VTI1A: variants seen among roughly 807,000 people sequenced by gnomAD.
The protein encoded by VTI1A is vesicle transport through interaction with t-SNAREs homolog 1A.
In VTI1A, 22 loss-of-function variants were observed where a neutral mutation model predicts 34.9. The ratio of observed to expected loss-of-function variants is 0.63; its 90% confidence interval spans 0.45 to 0.90. The LOEUF (loss-of-function observed/expected upper bound fraction) is 0.90. Among genes scored for constraint, VTI1A ranks in the 40% least tolerant of loss-of-function variants. The pLI is 0.00. For synonymous variants in VTI1A, 87 were observed against 97.3 expected (o/e 0.89, Z 0.62); for missense variants, 268 against 275.6 (o/e 0.97, Z 0.20).
At chr10:112,724,485 T>C (rs1849933460) in intron 7 of VTI1A, among the ~76,000 whole-genome samples, 1 of 152,068 alleles carries the variant, frequency 6.6e-6, no homozygotes, top group South Asian at 2.1e-4. Context: ...GGGTAGATCC[T>C]GGAAGGCTCT....
intron 7 of VTI1A, among the ~76,000 whole-genome samples, chr10:112,778,969 A>G (rs1352763015): frequency 6.6e-6 from 1 of 152,220 alleles, no homozygotes; most frequent in African/African-American, 2.4e-5. Context: ...TTCCTAAAAG[A>G]AGGAAAAAAA....
chr10:112,832,329 GC>G, the VTI1A span: 3 of 152,004 alleles, frequency 2.0e-5, no homozygotes, highest in Admixed American at 6.6e-5. Flanking sequence ...GTCTCATTCT[GC>G]CCAGGCCAGG....
chr10:112,476,110 A>G (rs1848266063), intron 3 of VTI1A, among the ~76,000 whole-genome samples: 1 of 152,244 alleles, frequency 6.6e-6, no homozygotes, highest in Admixed American at 6.5e-5. Context: ...TTTAAAAATT[A>G]ATGGAAAAAT....
intron 5 of VTI1A, among the ~76,000 whole-genome samples, chr10:112,546,248 G>A (rs188929783): frequency 1.3e-5 from 2 of 150,810 alleles, no homozygotes; most frequent in African/African-American, 4.9e-5. Flanking sequence ...CAAAAATTTG[G>A]CCAGGTAGCT....
chr10:112,753,977 TG>T lies in VTI1A; in HGVS notation c.561-61312del, dbSNP rs530446965. Among the ~76,000 whole-genome samples, 9 of 152,286 alleles carry T rather than the reference TG, an allele frequency of 5.9e-5. 1 individual carries two copies. In the South Asian group the frequency reaches 1.9e-3, roughly 32 times the overall value. On this transcript the variant is annotated intron_variant, in intron 7 of 7. Transcript: ENST00000393077. ...CAGTATACACAGCACAGGTCAGGAT[TG>T]TGGAGCCAGGAAGAGATCCAGCACG...
intron 7 of VTI1A, among the ~76,000 whole-genome samples, chr10:112,672,473 A>G (rs532503928): frequency 2.0e-5 from 3 of 152,220 alleles, no homozygotes; most frequent in Non-Finnish European, 4.4e-5. Context: ...CCATCCAGGG[A>G]CAAACTGTTC....
chr10:112,627,504 CT>C (rs1235437565), intron 5 of VTI1A, among the ~76,000 whole-genome samples: 7 of 152,240 alleles, frequency 4.6e-5, no homozygotes, highest in Admixed American at 4.6e-4. Context: ...CCCTTTACCC[CT>C]ACCCATCTAT....
chr10:112,667,830 A>AG (rs1438299308), intron 5 of VTI1A, among the ~76,000 whole-genome samples: 1 of 152,174 alleles, frequency 6.6e-6, no homozygotes, highest in Non-Finnish European at 1.5e-5. Context: ...GCAAAATGAA[A>AG]GGGGAAAGGG....
intron 3 of VTI1A, among the ~76,000 whole-genome samples, chr10:112,518,397 C>T (rs922728675): frequency 2.6e-5 from 4 of 151,566 alleles, no homozygotes; most frequent in Admixed American, 2.0e-4. Flanking sequence ...ATGGCATTTG[C>T]TGGGGGAGAG....
chr10:112,524,764 C>A (rs1850161597), intron 3 of VTI1A, among the ~76,000 whole-genome samples: 1 of 152,114 alleles, frequency 6.6e-6, no homozygotes, highest in African/African-American at 2.4e-5. Flanking sequence ...CAAAAGCAAT[C>A]TCCATATGAT....
intron 3 of VTI1A, among the ~76,000 whole-genome samples, chr10:112,480,985 T>G (rs1848443194): frequency 6.6e-6 from 1 of 152,140 alleles, no homozygotes; most frequent in African/African-American, 2.4e-5. Context: ...TGAGAAAGCC[T>G]TATTGGTTAA....
chr10:112,739,492 G>T (rs1564906925), intron 7 of VTI1A, among the ~76,000 whole-genome samples: 1 of 152,140 alleles, frequency 6.6e-6, no homozygotes, highest in Non-Finnish European at 1.5e-5. Context: ...CCACAGCTAT[G>T]GTGCTCTTCC....
intron 3 of VTI1A, among the ~76,000 whole-genome samples, chr10:112,473,830 A>G (rs1848187089): frequency 1.3e-5 from 2 of 152,218 alleles, no homozygotes; most frequent in African/African-American, 2.4e-5. Flanking sequence ...AAACAATTAT[A>G]TAAGAAATAT....
chr10:112,697,275 C>A (rs1203385303), intron 7 of VTI1A, among the ~76,000 whole-genome samples: 1 of 151,624 alleles, frequency 6.6e-6, no homozygotes, highest in Non-Finnish European at 1.5e-5. Flanking sequence ...CACTCTGCAA[C>A]CTCCGCCTCC....
the VTI1A span, among the ~76,000 whole-genome samples, chr10:112,852,304 T>TC: frequency 3.9e-5 from 6 of 152,096 alleles, no homozygotes; most frequent in African/African-American, 1.4e-4. Context: ...CTGCTCCCCT[T>TC]CCCCCACAAA....
intron 3 of VTI1A, among the ~76,000 whole-genome samples, chr10:112,496,205 G>A (rs985365493): frequency 2.3e-4 from 6 of 26,246 alleles, no homozygotes; most frequent in South Asian, 1.1e-3. Flanking sequence ...CCCCCCCGCC[G>A]TCTCTAAACA....
intron 3 of VTI1A, among the ~76,000 whole-genome samples, chr10:112,478,894 C>T (rs763724203): frequency 3.3e-5 from 5 of 152,220 alleles, no homozygotes; most frequent in Admixed American, 1.3e-4. Flanking sequence ...ATTGGCCGGG[C>T]GCGGTGGTTC....
intron 7 of VTI1A, among the ~76,000 whole-genome samples, chr10:112,705,689 G>T: frequency 6.6e-6 from 1 of 152,118 alleles, no homozygotes; most frequent in South Asian, 2.1e-4. Flanking sequence ...TTCTCACCTA[G>T]CTGTCAAAGA....
rs11817563 is a variant in VTI1A at position 112,720,845 on chromosome 10, G to A, written c.560+51847G>A. Among the ~76,000 whole-genome samples, 796 of 152,138 alleles carry A rather than the reference G, an allele frequency of 5.2e-3. 7 individuals are homozygous for A. The highest frequency in any genetic ancestry group is 0.018 in the African/African-American group (766 of 41,506). On this transcript the variant is annotated intron_variant, in intron 7 of 7. Coordinates refer to ENST00000393077, the MANE Select transcript of VTI1A (RefSeq NM_145206.4). ...AAGGACCTAAGAGGTGAAATATGTG[G>A]GTCACATGGAGAATTAATGATAGAG...
Sources: allele counts gnomAD v4.1 joint callset (sites outside exome capture counted in the v4.1 genomes callset), GRCh38; gene constraint gnomAD v4.1.1; transcripts MANE v1.5; gene names NCBI Gene and HGNC (gene_info 2026-07-23, HGNC 2026-07-21).